WDR72: variants seen among roughly 807,000 people sequenced by gnomAD.
The protein encoded by WDR72 is WD repeat-containing protein 72.
In WDR72, 120 loss-of-function variants were observed where a neutral mutation model predicts 124.2. The ratio of observed to expected loss-of-function variants is 0.97; its 90% confidence interval spans 0.83 to 1.12. The LOEUF (loss-of-function observed/expected upper bound fraction) is 1.12. WDR72 is among the 50% of genes most tolerant of loss of function. The pLI, the probability that WDR72 is intolerant of heterozygous loss-of-function variation, is 0.00. For missense variants in WDR72, 1,387 were observed against 1,278.8 expected (o/e 1.08, Z -1.29); for synonymous variants, 452 against 441.7 (o/e 1.02, Z -0.29).
At chr15:53,643,726 G>A (rs1476161557) in intron 14 of WDR72, among the ~76,000 whole-genome samples, 1 of 148,222 alleles carries the variant, frequency 6.7e-6, no homozygotes, top group Non-Finnish European at 1.5e-5. Flanking sequence ...AAACGTGCGT[G>A]TATGTATCTG....
chr15:53,737,255 T>A (rs974623593), intron 1 of WDR72, among the ~76,000 whole-genome samples: 1 of 152,128 alleles, frequency 6.6e-6, no homozygotes, highest in Non-Finnish European at 1.5e-5. Flanking sequence ...AGTGAGGATA[T>A]ATCAAAGGAA....
chr15:53,622,732 G>A (rs778794857), intron 14 of WDR72, among the ~76,000 whole-genome samples: 18 of 151,926 alleles, frequency 1.2e-4, no homozygotes, highest in East Asian at 1.9e-4. Context: ...CATGGCACAC[G>A]TTTACCTATG....
At chr15:53,658,788 C>CA (rs1263280471) in intron 14 of WDR72, among the ~76,000 whole-genome samples, 1 of 152,162 alleles carries the variant, frequency 6.6e-6, no homozygotes, top group Non-Finnish European at 1.5e-5. Context: ...TACCCTTTAT[C>CA]ACAAGTCTTA....
At chr15:53,524,337 C>G (rs1566941175) in intron 18 of WDR72, among the ~76,000 whole-genome samples, 1 of 152,064 alleles carries the variant, frequency 6.6e-6, no homozygotes, top group Admixed American at 6.6e-5. Context: ...ATGCAATAAA[C>G]AAAATATATA....
chr15:53,523,455 A>C, intron 18 of WDR72, 133 bp from the exon 19 acceptor site: 1 of 825,226 alleles, frequency 1.2e-6, no homozygotes, highest in Non-Finnish European at 2.0e-6. Context: ...ACAAATAATA[A>C]ATTGAAATAA....
chr15:53,523,330 AAGAGAGAG>A lies in WDR72; in HGVS notation c.3149-16_3149-9del, dbSNP rs57737580. The A allele has an allele frequency of 1.7e-5, 27 of 1,575,798 alleles. No homozygotes were observed. The highest frequency in any genetic ancestry group is 2.3e-5 in the Non-Finnish European group (26 of 1,152,668). ...TGACCGGGCTGACTGGAGCTATTAA[AAGAGAGAG>A]AGAGAGAGAGAGAGACAGAAGAGAG... On this transcript the variant is annotated splice_polypyrimidine_tract_variant and intron_variant, in intron 18 of 19. Coordinates refer to ENST00000360509, the MANE Select transcript of WDR72 (RefSeq NM_182758.4).
chr15:53,600,980 T>A (rs1488263812), intron 17 of WDR72, among the ~76,000 whole-genome samples: 4 of 152,186 alleles, frequency 2.6e-5, no homozygotes, highest in African/African-American at 9.6e-5. Context: ...ATCAGCAAAA[T>A]TAATTCATTC....
At chr15:53,586,176 G>A (rs1211589950) in intron 18 of WDR72, among the ~76,000 whole-genome samples, 2 of 152,004 alleles carry the variant, frequency 1.3e-5, no homozygotes, top group Non-Finnish European at 2.9e-5. Flanking sequence ...GTGATTTGAT[G>A]GCTGGACTTA....
At chr15:53,754,215 G>C (rs753642027) in intron 1 of WDR72, among the ~76,000 whole-genome samples, 1 of 151,976 alleles carries the variant, frequency 6.6e-6, no homozygotes, top group African/African-American at 2.4e-5. Context: ...TGTATGCATG[G>C]GCCAGAATGT....
intron 18 of WDR72, among the ~76,000 whole-genome samples, chr15:53,564,364 G>T (rs1337024300): frequency 2.6e-5 from 4 of 151,762 alleles, no homozygotes; most frequent in African/African-American, 9.7e-5. Flanking sequence ...TTGCTAAAAT[G>T]CCTATCTAAA....
chr15:53,629,923 CCCATTTA>C (rs1272867999), intron 14 of WDR72, among the ~76,000 whole-genome samples: 1 of 152,128 alleles, frequency 6.6e-6, no homozygotes, highest in Admixed American at 6.6e-5. Context: ...CCTGAGGAGT[CCCATTTA>C]CCAACCTTAT....
intron 1 of WDR72, among the ~76,000 whole-genome samples, chr15:53,747,174 A>C (rs150749550): frequency 6.6e-6 from 1 of 152,304 alleles, no homozygotes; most frequent in East Asian, 1.9e-4. Context: ...GTCCACCCAA[A>C]ATCTATTTGA....
chr15:53,557,650 G>T (rs1408812841), intron 18 of WDR72, among the ~76,000 whole-genome samples: 1 of 151,934 alleles, frequency 6.6e-6, no homozygotes, highest in South Asian at 2.1e-4. Context: ...GGTCAAGAGA[G>T]ATCAGCCCGT....
At chr15:53,549,094 T>C (rs1893615736) in intron 18 of WDR72, among the ~76,000 whole-genome samples, 1 of 152,224 alleles carries the variant, frequency 6.6e-6, no homozygotes, top group Non-Finnish European at 1.5e-5. Context: ...TTATTTCTTT[T>C]AGCATGTTAT....
intron 2 of WDR72, among the ~76,000 whole-genome samples, chr15:53,724,944 CCTAAAATTT>C (rs1415410933): frequency 6.6e-6 from 1 of 151,712 alleles, no homozygotes; most frequent in Admixed American, 6.6e-5. Flanking sequence ...ATCTATATTA[CCTAAAATTT>C]CTAAAATTAA....
intron 18 of WDR72, among the ~76,000 whole-genome samples, chr15:53,578,267 G>C (rs1443520701): frequency 6.6e-6 from 1 of 152,134 alleles, no homozygotes; most frequent in Non-Finnish European, 1.5e-5. Context: ...AGGGTGGTCA[G>C]TGGTGTGACA....
At position 53,710,856 on chromosome 15, in the gene WDR72, C is replaced by T. The variant is rs777725678; in HGVS notation, c.954+1G>A. ...AGGCAGTCACTCTTTTCTTGCATTA[C>T]CTTATTTTCCTGCACAGAAGTAGAG... On this transcript the variant is annotated splice_donor_variant, in intron 9 of 19. Transcript: ENST00000360509. LOFTEE classifies it high-confidence loss of function. 2 of 1,609,268 alleles carry T rather than the reference C, an allele frequency of 1.2e-6. No individual in the cohort carries two copies. The highest frequency in any genetic ancestry group is 1.1e-5 in the South Asian group (1 of 90,976).
At chr15:53,623,945 A>G (rs2014107985) in intron 14 of WDR72, among the ~76,000 whole-genome samples, 1 of 152,148 alleles carries the variant, frequency 6.6e-6, no homozygotes, top group South Asian at 2.1e-4. Flanking sequence ...AGTGATGTTG[A>G]GCATCTTTTC....
Position 53,609,521 on chromosome 15 carries a change from A to G in WDR72, c.2944T>C (p.Ser982Pro). Residue 982 changes from serine (S) to proline (P), a missense_variant, in exon 17 of 20, where the codon TCT becomes CCT. Ser to Pro is a moderately conservative substitution (Grantham distance 74, BLOSUM62 -1). Transcript: ENST00000360509. ...LKLISCWRDQ[S>P]VQVTEAIQAV... ...TGTGAATTATATCATACCTGCACAG[A>G]CTGGTCTCTCCAACAGGAAATTAGC... 6.2e-7 allele frequency: 1 copy of G among 1,613,346 alleles called. No homozygotes were observed. Among genetic ancestry groups the G allele is most frequent in the Non-Finnish European group, 8.5e-7 (1 of 1,179,510 alleles).
Sources: gnomAD v4.1 joint callset for allele counts (sites outside exome capture counted in the v4.1 genomes callset) on GRCh38, gnomAD v4.1.1 for gene constraint, MANE v1.5 for transcripts, NCBI Gene and HGNC (gene_info 2026-07-23, HGNC 2026-07-21) for gene names.